AKAP19: variants seen among roughly 807,000 people sequenced by gnomAD.
AKAP19 encodes small A-kinase anchoring protein.
the AKAP19 span, chr2:189,924,207 T>C: frequency 2.6e-6 from 4 of 1,543,872 alleles, no homozygotes; most frequent in Non-Finnish European, 3.6e-6. Flanking sequence ...ATGGCGAGGA[T>C]GACTCTTAAG....
the AKAP19 span, among the ~76,000 whole-genome samples, chr2:190,097,887 GAAAAGAAAAGA>G: frequency 7.6e-6 from 1 of 131,320 alleles, no homozygotes. Flanking sequence ...AAAAAGAAAA[GAAAAGAAAAGA>G]AAAAGAAAAA....
chr2:190,055,590 G>T, the AKAP19 span: 5 of 152,264 alleles, frequency 3.3e-5, no homozygotes, highest in African/African-American at 1.2e-4. Flanking sequence ...CTGAGAACCG[G>T]AGTAGCAGAC....
chr2:190,135,644 C>T, the AKAP19 span, among the ~76,000 whole-genome samples: 191 of 152,242 alleles, frequency 1.3e-3, 1 homozygote, highest in African/African-American at 4.5e-3. Context: ...ACCGTGTTAC[C>T]TTGGGCAGAT....
chr2:190,111,881 G>GT, the AKAP19 span, among the ~76,000 whole-genome samples: 1 of 151,494 alleles, frequency 6.6e-6, no homozygotes, highest in Non-Finnish European at 1.5e-5. Flanking sequence ...CAACATCATG[G>GT]TTTTTTTGTT....
the AKAP19 span, among the ~76,000 whole-genome samples, chr2:190,194,766 A>ATATAGTTGTAATCATACAGCAT: frequency 7.5e-4 from 114 of 152,218 alleles, no homozygotes; most frequent in Admixed American, 3.2e-3. Flanking sequence ...CTAGAATGTC[A>ATATAGTTGTAATCATACAGCAT]TATAGTTGTA....
At chr2:190,071,445 A>G in the AKAP19 span, among the ~76,000 whole-genome samples, 1 of 152,222 alleles carries the variant, frequency 6.6e-6, no homozygotes, top group Non-Finnish European at 1.5e-5. Flanking sequence ...GTGGTATAAT[A>G]TAGTACAGTA....
At chr2:190,036,673 GCTTTA>G in the AKAP19 span, among the ~76,000 whole-genome samples, 1 of 151,958 alleles carries the variant, frequency 6.6e-6, no homozygotes, top group African/African-American at 2.4e-5. Context: ...AATAAAAGGT[GCTTTA>G]CTTAGTTCTT....
the AKAP19 span, among the ~76,000 whole-genome samples, chr2:190,084,892 G>C: frequency 6.6e-6 from 1 of 152,204 alleles, no homozygotes; most frequent in Non-Finnish European, 1.5e-5. Flanking sequence ...TGCCTCTGGT[G>C]GCCTCCTGTT....
At chr2:189,924,268 T>C in the AKAP19 span, 1 of 1,217,332 alleles carries the variant, frequency 8.2e-7, no homozygotes, top group South Asian at 1.2e-5. Context: ...ACCTAGGCGC[T>C]TGTCTAAGAT....
chr2:189,900,158 G>T, the AKAP19 span, among the ~76,000 whole-genome samples: 1 of 152,020 alleles, frequency 6.6e-6, no homozygotes, highest in Non-Finnish European at 1.5e-5. Flanking sequence ...GTATTGAATT[G>T]TTGCAATTTA....
chr2:190,166,315 CT>C, the AKAP19 span, among the ~76,000 whole-genome samples: 2 of 88,968 alleles, frequency 2.2e-5, no homozygotes, highest in Non-Finnish European at 4.5e-5. Context: ...AAAAAATCCA[CT>C]CTTTTTTTTT....
At chr2:190,096,502 C>T in the AKAP19 span, among the ~76,000 whole-genome samples, 1 of 152,132 alleles carries the variant, frequency 6.6e-6, no homozygotes, top group African/African-American at 2.4e-5. Flanking sequence ...AAGCCTAGGT[C>T]ATATAGCCCT....
chr2:190,008,553 A>AT, the AKAP19 span, among the ~76,000 whole-genome samples: 3 of 152,170 alleles, frequency 2.0e-5, no homozygotes, highest in African/African-American at 7.2e-5. Flanking sequence ...AATCCAGAAG[A>AT]TTTTTAATTA....
At chr2:190,192,733 C>T in the AKAP19 span, among the ~76,000 whole-genome samples, 2 of 152,054 alleles carry the variant, frequency 1.3e-5, no homozygotes, top group African/African-American at 4.8e-5. Context: ...ATACAAAATG[C>T]AGTTTTCCTT....
the AKAP19 span, among the ~76,000 whole-genome samples, chr2:190,144,959 C>T: frequency 1.3e-5 from 2 of 151,224 alleles, no homozygotes; most frequent in African/African-American, 4.9e-5. Flanking sequence ...TCCTGGACAA[C>T]AAGAGTGAAA....
chr2:190,167,743 T>C, the AKAP19 span, among the ~76,000 whole-genome samples: 1 of 152,224 alleles, frequency 6.6e-6, no homozygotes, highest in Non-Finnish European at 1.5e-5. Flanking sequence ...CTCCTTTGAC[T>C]CCACGTCTCA....
At chr2:189,934,899 A>G in the AKAP19 span, among the ~76,000 whole-genome samples, 45 of 152,146 alleles carry the variant, frequency 3.0e-4, 1 homozygote, top group Non-Finnish European at 5.2e-4. Flanking sequence ...TAACAATGCC[A>G]TTTAAAAGAC....
chr2:190,096,812 C>A, the AKAP19 span, among the ~76,000 whole-genome samples: 3 of 152,078 alleles, frequency 2.0e-5, no homozygotes, highest in African/African-American at 7.2e-5. Context: ...TGTATAATAT[C>A]TAGTGAGGGC....
At chr2:190,138,389 A>G in the AKAP19 span, among the ~76,000 whole-genome samples, 2 of 152,230 alleles carry the variant, frequency 1.3e-5, no homozygotes, top group African/African-American at 4.8e-5. Context: ...AGGAGTATAC[A>G]GTAAGTACTA....
Sources: gnomAD v4.1 joint callset for allele counts (sites outside exome capture counted in the v4.1 genomes callset) on GRCh38, gnomAD v4.1.1 for gene constraint, MANE v1.5 for transcripts, NCBI Gene and HGNC (gene_info 2026-07-23, HGNC 2026-07-21) for gene names.